LYPD1: variants seen among roughly 807,000 people sequenced by gnomAD.
LYPD1 encodes the protein LY6/PLAUR domain containing 1, also known as ly6/PLAUR domain-containing protein 1.
In LYPD1, 14 loss-of-function variants were observed where a neutral mutation model predicts 14.2. That is an observed-to-expected ratio of 0.99 (90% CI 0.65 to 1.54). The LOEUF (loss-of-function observed/expected upper bound fraction) is 1.54. Among genes scored for constraint, LYPD1 ranks in the 40% most tolerant of loss-of-function variants. The pLI, the probability that LYPD1 is intolerant of heterozygous loss-of-function variation, is 0.00. For synonymous variants in LYPD1, 85 were observed against 70.6 expected (o/e 1.20, Z -1.02); for missense variants, 165 against 175.7 (o/e 0.94, Z 0.34).
chr2:132,645,394 A>G lies in LYPD1; in HGVS notation c.*651T>C, dbSNP rs1682005682. 6.2e-7 allele frequency: 1 copy of G among 1,613,594 alleles called. No individual in the cohort carries two copies. Among genetic ancestry groups the G allele is most frequent in the African/African-American group, 1.3e-5 (1 of 74,914 alleles). ...CGTACATGCGCACTCCACCACCGAC[A>G]GCGCCCGCTTTGTGCAGCGCCCGTT... On this transcript the variant is annotated 3_prime_UTR_variant, in exon 3 of 3. Coordinates refer to ENST00000397463, the MANE Select transcript of LYPD1 (RefSeq NM_144586.7).
rs568624313 is a variant in LYPD1, at chr2:132,646,750, A to C, written c.191-470T>G. Reference sequence around the variant, plus strand: ...GTTGATGAAATCCTGGAGTTCTTTGAAGACAGACCAAATCCCGAAGGGAAA... The same window carrying C: ...GTTGATGAAATCCTGGAGTTCTTTGCAGACAGACCAAATCCCGAAGGGAAA... On this transcript the variant is annotated intron_variant, in intron 2 of 2. Transcript: ENST00000397463. 3.6e-4 allele frequency among the ~76,000 whole-genome samples: 55 copies of C among 152,278 alleles called. 2 individuals are homozygous for C. The South Asian group carries it at 0.01, about 28-fold the overall frequency.
intron 2 of LYPD1, among the ~76,000 whole-genome samples, chr2:132,651,360 A>C (rs1375747643): frequency 6.6e-6 from 1 of 152,124 alleles, no homozygotes; most frequent in Non-Finnish European, 1.5e-5. Flanking sequence ...CTCAAGTCTC[A>C]GGGTCACGGG....
intron 2 of LYPD1, among the ~76,000 whole-genome samples, chr2:132,653,515 A>C (rs936221745): frequency 4.6e-5 from 7 of 152,236 alleles, no homozygotes; most frequent in South Asian, 2.1e-4. Flanking sequence ...TAAATGCAGA[A>C]GGAATGAGGG....
chr2:132,646,046 C>T lies in LYPD1; in HGVS notation c.425G>A (p.Ter142=). ...LKLALFSAHC[*] The stretch of plus-strand genomic sequence containing the variant: ...GAGGGGGTGGCATCTCCTTCAGCTT[C>T]AGCAGTGTGCCGAGAAGAGGGCTAA... The change falls in exon 3 of 3, where the codon TGA becomes TAA. Residue 142 remains the stop codon, a stop_retained_variant. Coordinates refer to ENST00000397463, the MANE Select transcript of LYPD1 (RefSeq NM_144586.7). 6.4e-7 allele frequency: 1 copy of T among 1,554,564 alleles called. No homozygotes were observed. The highest frequency in any genetic ancestry group is 8.7e-7 in the Non-Finnish European group (1 of 1,147,360).
At chr2:132,650,489 T>TA (rs1558876001) in intron 2 of LYPD1, among the ~76,000 whole-genome samples, 1 of 152,152 alleles carries the variant, frequency 6.6e-6, no homozygotes. Flanking sequence ...CTCACATACA[T>TA]ACAAAACGAC....
At chr2:132,666,097 G>A (rs763416036) in intron 2 of LYPD1, among the ~76,000 whole-genome samples, 3 of 152,172 alleles carry the variant, frequency 2.0e-5, no homozygotes, top group South Asian at 2.1e-4. Context: ...CAGATTTCAC[G>A]AGATTCTATA....
chr2:132,661,941 G>GA (rs72146038), intron 2 of LYPD1, among the ~76,000 whole-genome samples: 67,751 of 142,248 alleles, frequency 0.48, 17,044 homozygotes, highest in East Asian at 0.66. Flanking sequence ...CACCACAGCG[G>GA]AAAAAAAAAA....
chr2:132,655,659 T>C (rs1423943717), intron 2 of LYPD1, among the ~76,000 whole-genome samples: 1 of 151,592 alleles, frequency 6.6e-6, no homozygotes, highest in Non-Finnish European at 1.5e-5. Context: ...GGACTACAGG[T>C]GCCTGCCACC....
At chr2:132,661,693 T>C (rs767660177) in intron 2 of LYPD1, among the ~76,000 whole-genome samples, 13 of 152,190 alleles carry the variant, frequency 8.5e-5, no homozygotes, top group Non-Finnish European at 1.3e-4. Flanking sequence ...GGCAAATCCA[T>C]AGAAGCAGAA....
intron 2 of LYPD1, among the ~76,000 whole-genome samples, chr2:132,649,446 G>T (rs527642916): frequency 1.1e-4 from 17 of 152,268 alleles, no homozygotes; most frequent in African/African-American, 3.6e-4. Context: ...AGCTTTCCAG[G>T]TTCATTGTAG....
chr2:132,653,932 A>T (rs1466040867), intron 2 of LYPD1, among the ~76,000 whole-genome samples: 2 of 152,240 alleles, frequency 1.3e-5, no homozygotes, highest in Non-Finnish European at 2.9e-5. Flanking sequence ...TGTCAACATC[A>T]CAAAAGACAT....
intron 2 of LYPD1, among the ~76,000 whole-genome samples, chr2:132,668,060 T>G (rs1241961010): frequency 6.6e-6 from 1 of 152,236 alleles, no homozygotes; most frequent in Non-Finnish European, 1.5e-5. Context: ...CACAGGCTAC[T>G]GTCTAGTTGC....
intron 2 of LYPD1, among the ~76,000 whole-genome samples, chr2:132,656,307 G>A (rs181716648): frequency 2.0e-5 from 3 of 152,284 alleles, no homozygotes; most frequent in African/African-American, 7.2e-5. Flanking sequence ...TGCTGCTTGT[G>A]TGAATGCCTG....
At position 132,645,977 on chromosome 2, in the gene LYPD1, A is replaced by G; in HGVS notation, c.*68T>C. The G allele has an allele frequency of 8.3e-7, 1 of 1,202,784 alleles. No individual in the cohort carries two copies. The highest frequency in any genetic ancestry group is 1.5e-5 in the African/African-American group (1 of 64,718). 74.5% of individuals were successfully genotyped at this position (1,202,784 alleles called of 1,614,324 possible). On this transcript the variant is annotated 3_prime_UTR_variant, in exon 3 of 3. Coordinates refer to ENST00000397463, the MANE Select transcript of LYPD1 (RefSeq NM_144586.7). ...AAGGACACCCAGAAGAAACTCACTC[A>G]GGGAGGTGGGGGGTTGGGGGCGAGG...
In LYPD1 at chr2:132,646,030, G is replaced by T. The variant is rs1394222861; in HGVS notation, c.*15C>A. 2.0e-6 allele frequency: 3 copies of T among 1,509,696 alleles called. No homozygotes were observed. The highest frequency in any genetic ancestry group is 2.6e-5 in the South Asian group (2 of 76,726). 93.5% of individuals were successfully genotyped at this position (1,509,696 alleles called of 1,614,324 possible). A position where few individuals can be genotyped will look rare whatever the true frequency, so the allele number is the denominator to read the frequency against. ...TGGAAGAACAATGCAGGAGGGGGTG[G>T]CATCTCCTTCAGCTTCAGCAGTGTG... On this transcript the variant is annotated 3_prime_UTR_variant, in exon 3 of 3. Coordinates refer to ENST00000397463, the MANE Select transcript of LYPD1 (RefSeq NM_144586.7).
intron 2 of LYPD1, among the ~76,000 whole-genome samples, chr2:132,663,508 C>G (rs1187309608): frequency 6.6e-6 from 1 of 152,158 alleles, no homozygotes; most frequent in Non-Finnish European, 1.5e-5. Flanking sequence ...CTCCTGACCT[C>G]AGGTGATCCA....
chr2:132,666,364 G>A (rs899802042), intron 2 of LYPD1, among the ~76,000 whole-genome samples: 5 of 152,160 alleles, frequency 3.3e-5, no homozygotes, highest in African/African-American at 1.2e-4. Flanking sequence ...GTGGAGTTTA[G>A]GCTTAGAATG....
At position 132,668,431 on chromosome 2, in the gene LYPD1, CAT is replaced by C. The variant is rs756359257; in HGVS notation, c.157_158del (p.Met53ValfsTer54). 9.3e-6 allele frequency: 15 copies of C among 1,608,444 alleles called. No individual in the cohort carries two copies. Among genetic ancestry groups the C allele is most frequent in the Admixed American group, 1.7e-5 (1 of 59,120 alleles). Reference sequence around the variant, plus strand: ...TTTGCTCCATCACTTCTTTCTGACACATGTCTTGAACGTTCACCGTGCAATTC... The same window carrying C: ...TTTGCTCCATCACTTCTTTCTGACACGTCTTGAACGTTCACCGTGCAATTC... ...IVNCTVNVQD[M>X]CQKEVMEQSA... On this transcript the variant is annotated frameshift_variant, in exon 2 of 3. Coordinates refer to ENST00000397463, the MANE Select transcript of LYPD1 (RefSeq NM_144586.7). LOFTEE classifies it high-confidence loss of function.
rs1353603042 is a variant in LYPD1, at chr2:132,643,520, T to C, written c.*2525A>G. ...TGGCTGTTTTTTCCTGGAGCATTTA[T>C]TTATTGGTTTATTGAGACAGTTTCA... is the stretch of plus-strand genomic sequence containing the variant. On this transcript the variant is annotated 3_prime_UTR_variant, in exon 3 of 3. Transcript: ENST00000397463. Among the ~76,000 whole-genome samples, 1 of 152,176 alleles carries C rather than the reference T, an allele frequency of 6.6e-6. No homozygotes were observed. Among genetic ancestry groups the C allele is most frequent in the East Asian group, 1.9e-4 (1 of 5,192 alleles).
Sources: gnomAD v4.1 joint callset for allele counts (sites outside exome capture counted in the v4.1 genomes callset) on GRCh38, gnomAD v4.1.1 for gene constraint, MANE v1.5 for transcripts, NCBI Gene and HGNC (gene_info 2026-07-23, HGNC 2026-07-21) for gene names.